The following CCDC127 variants were observed in gnomAD, a reference collection of about 807,000 sequenced individuals.
CCDC127 encodes coiled-coil domain containing 127, also known as coiled-coil domain-containing protein 127.
CCDC127 carries 2 observed loss-of-function variants against 4.1 expected under a neutral mutation model. The ratio of observed to expected loss-of-function variants is 0.49; its 90% CI spans 0.20 to 1.53. The LOEUF (loss-of-function observed/expected upper bound fraction) is 1.53. Ranked by LOEUF, CCDC127 falls within the 40% of genes most tolerant of loss-of-function variation. The pLI, the probability that CCDC127 is intolerant of heterozygous loss-of-function variation, is 0.23. For synonymous variants in CCDC127, 98 were observed against 120.4 expected (o/e 0.81, Z 1.22); for missense variants, 271 against 322.9 (o/e 0.84, Z 1.23).
chr5:206,107 T>C, intron 2 of CCDC127, 149 bp from the exon 3 acceptor site: 1 of 743,636 alleles, frequency 1.3e-6, no homozygotes, highest in Non-Finnish European at 2.1e-6. Flanking sequence ...TACGTGAAAA[T>C]GTGTAACAGG....
rs1197177666 is a variant in CCDC127 at position 197,972 on chromosome 5, A to C, written c.*7325T>G. 1 of 32,378 alleles carries C rather than the reference A, an allele frequency of 3.1e-5. No individual in the cohort carries two copies. The highest frequency in any genetic ancestry group is 6.3e-5 in the Non-Finnish European group (1 of 15,916). The allele number at this position is 32,378 out of a possible 1,614,324, so 2.0% of individuals were successfully genotyped here. A position where few individuals can be genotyped will look rare whatever the true frequency, so the allele number is the denominator to read the frequency against. On this transcript the variant is annotated 3_prime_UTR_variant, in exon 3 of 3. Transcript: ENST00000296824. Reference sequence around the variant, plus strand: ...ACCCCAATGGTCCCCGTGTCACCCCACCCCAGCTGCCCCCAGGTCACCCCC... The same window carrying C: ...ACCCCAATGGTCCCCGTGTCACCCCCCCCCAGCTGCCCCCAGGTCACCCCC...
In CCDC127 at chr5:203,871, GCTGTGTC is replaced by G. The variant is rs959042671; in HGVS notation, c.*1419_*1425del. 4 of 152,240 alleles carry G rather than the reference GCTGTGTC, an allele frequency of 2.6e-5. No individual in the cohort carries two copies. The highest frequency in any genetic ancestry group is 9.7e-5 in the African/African-American group (4 of 41,446). 9.4% of individuals were successfully genotyped at this position (152,240 alleles called of 1,614,324 possible). ...GACGAATTCACACAGCAGGCCCAAGGCTGTGTCCTACCAGGGCCTGTGTGCAAGGCTG... is the reference window on the plus strand; with the variant it reads ...GACGAATTCACACAGCAGGCCCAAGGCTACCAGGGCCTGTGTGCAAGGCTG... On this transcript the variant is annotated 3_prime_UTR_variant, in exon 3 of 3. Coordinates refer to ENST00000296824, the MANE Select transcript of CCDC127 (RefSeq NM_145265.3).
chr5:199,687 C>T lies in CCDC127; in HGVS notation c.*5610G>A, dbSNP rs1040044866. On this transcript the variant is annotated 3_prime_UTR_variant, in exon 3 of 3. Coordinates refer to ENST00000296824, the MANE Select transcript of CCDC127 (RefSeq NM_145265.3). ...CAAGAGCAGGGCCCCAGCACCCCTA[C>T]CTCCCGAGGAGGCCCCAGCACCCCA... The T allele has an allele frequency of 6.6e-6, 1 of 152,324 alleles. No homozygotes were observed. Among genetic ancestry groups the T allele is most frequent in the Non-Finnish European group, 1.5e-5 (1 of 68,188 alleles). The allele number at this position is 152,324 out of a possible 1,614,324, so 9.4% of individuals were successfully genotyped here.
At position 205,748 on chromosome 5, in the gene CCDC127, C is replaced by A; in HGVS notation, c.332G>T (p.Arg111Leu). The stretch of plus-strand genomic sequence containing the variant: ...AAGCTTCTTTTCTTCTACCAACTTG[C>A]GTCCCTGAGAGATAAGGGCTTCTCG... ...SYREALISQG[R>L]KLVEEKKLLE... Residue 111 changes from arginine to leucine, a missense_variant, in exon 3 of 3, where the codon CGC becomes CTC. Coordinates refer to ENST00000296824, the MANE Select transcript of CCDC127 (RefSeq NM_145265.3). 3 of 1,614,152 alleles carry A rather than the reference C, an allele frequency of 1.9e-6. No homozygotes were observed. Among genetic ancestry groups the A allele is most frequent in the Non-Finnish European group, 2.5e-6 (3 of 1,180,022 alleles).
rs1398818602 is a variant in CCDC127, at chr5:203,563, G to A, written c.*1734C>T. ...GCTCAGGGTGGAACATGCACTCCAT[G>A]AATAGTGGCTCTCATACTGCCACGT... is the stretch of plus-strand genomic sequence containing the variant. On this transcript the variant is annotated 3_prime_UTR_variant, in exon 3 of 3. Transcript: ENST00000296824. 2 of 152,296 alleles carry A rather than the reference G, an allele frequency of 1.3e-5. No individual in the cohort carries two copies. The highest frequency in any genetic ancestry group is 2.9e-5 in the Non-Finnish European group (2 of 68,074). 9.4% of individuals were successfully genotyped at this position (152,296 alleles called of 1,614,324 possible). A position where few individuals can be genotyped will look rare whatever the true frequency, so the allele number is the denominator to read the frequency against.
intron 1 of CCDC127, 166 bp from the exon 2 acceptor site, chr5:217,025 G>C: frequency 1.8e-6 from 1 of 548,994 alleles, no homozygotes; most frequent in Non-Finnish European, 3.1e-6. Context: ...CAGCTACTCG[G>C]GAGGCTGAGG....
At position 199,364 on chromosome 5, in the gene CCDC127, TG is replaced by T; in HGVS notation, c.*5932del. The T allele has an allele frequency of 6.3e-6, 1 of 158,504 alleles. No homozygotes were observed. The highest frequency in any genetic ancestry group is 1.7e-4 in the South Asian group (1 of 5,856). The allele number at this position is 158,504 out of a possible 1,614,324, so 9.8% of individuals were successfully genotyped here. Reference sequence around the variant, plus strand: ...ACGTGGCCCCTCTGTGTGGTGGACGTGGCCAAGGGCCCTGGAACATCAGGGT... The same window carrying T: ...ACGTGGCCCCTCTGTGTGGTGGACGTGCCAAGGGCCCTGGAACATCAGGGT... On this transcript the variant is annotated 3_prime_UTR_variant, in exon 3 of 3. Transcript: ENST00000296824.
rs920872241 is a variant in CCDC127, at chr5:208,432, T to C, written c.122-2474A>G. 2.6e-5 allele frequency among the ~76,000 whole-genome samples: 4 copies of C among 152,242 alleles called. No homozygotes were observed. In the East Asian group the frequency reaches 7.7e-4, roughly 29 times the overall value. ...TGCCCAAAGGACCACGATAGAGGCCTGGCAAGAGAGAAAATGTTCCGACAG... is the reference window on the plus strand; with the variant it reads ...TGCCCAAAGGACCACGATAGAGGCCCGGCAAGAGAGAAAATGTTCCGACAG... On this transcript the variant is annotated intron_variant, in intron 2 of 2. Coordinates refer to ENST00000296824, the MANE Select transcript of CCDC127 (RefSeq NM_145265.3).
chr5:206,778 A>G (rs148115533), intron 2 of CCDC127, among the ~76,000 whole-genome samples: 6 of 152,358 alleles, frequency 3.9e-5, no homozygotes, highest in Admixed American at 6.5e-5. Context: ...GCTAAGTCTT[A>G]GTTTTCCAAA....
At chr5:210,178 T>C (rs1734253190) in intron 2 of CCDC127, among the ~76,000 whole-genome samples, 1 of 152,242 alleles carries the variant, frequency 6.6e-6, no homozygotes, top group African/African-American at 2.4e-5. Context: ...AGGGCTTAAA[T>C]GTAAAATGTA....
chr5:213,413 A>T (rs1434573477), intron 2 of CCDC127, among the ~76,000 whole-genome samples: 1 of 99,038 alleles, frequency 1.0e-5, no homozygotes, highest in East Asian at 2.5e-4. Flanking sequence ...GATGGGGCAG[A>T]CTGGACAGCA....
chr5:210,640 A>T (rs1250123165), intron 2 of CCDC127, among the ~76,000 whole-genome samples: 1 of 151,116 alleles, frequency 6.6e-6, no homozygotes, highest in Non-Finnish European at 1.5e-5. Context: ...GATGGGGCAG[A>T]CGGGACAGCA....
rs1438150520 is a variant in CCDC127 at position 201,480 on chromosome 5, G to A, written c.*3817C>T. The A allele has an allele frequency of 6.6e-6, 1 of 152,162 alleles. No homozygotes were observed. Among genetic ancestry groups the A allele is most frequent in the Non-Finnish European group, 1.5e-5 (1 of 68,034 alleles). 9.4% of individuals were successfully genotyped at this position (152,162 alleles called of 1,614,324 possible). A position where few individuals can be genotyped will look rare whatever the true frequency, so the allele number is the denominator to read the frequency against. On this transcript the variant is annotated 3_prime_UTR_variant, in exon 3 of 3. Transcript: ENST00000296824. The stretch of plus-strand genomic sequence containing the variant: ...TCCGTTGAAACACCCCATAATTGGT[G>A]CAAGGTTTGCAGAACAATTTTGTCC...
At position 205,220 on chromosome 5, in the gene CCDC127, G is replaced by A. The variant is rs972333178; in HGVS notation, c.*77C>T. ...GCCATGACACGGGCAGCACGGGAAC[G>A]GAAGACGCCGGAGACCCAGAAGGCG... On this transcript the variant is annotated 3_prime_UTR_variant, in exon 3 of 3. Coordinates refer to ENST00000296824, the MANE Select transcript of CCDC127 (RefSeq NM_145265.3). The A allele has an allele frequency of 2.8e-5, 38 of 1,361,472 alleles. No individual in the cohort carries two copies. The South Asian group carries it at 3.6e-4, about 13-fold the overall frequency. 84.3% of individuals were successfully genotyped at this position (1,361,472 alleles called of 1,614,324 possible).
At chr5:210,583 A>T (rs1734264854) in intron 2 of CCDC127, among the ~76,000 whole-genome samples, 1 of 152,248 alleles carries the variant, frequency 6.6e-6, no homozygotes, top group Non-Finnish European at 1.5e-5. Context: ...AAGATGCTCA[A>T]CACTGCACAG....
At chr5:206,037 A>T in intron 2 of CCDC127, 79 bp from the exon 3 acceptor site, 1 of 1,279,650 alleles carries the variant, frequency 7.8e-7, no homozygotes, top group Non-Finnish European at 1.1e-6. Flanking sequence ...ATCATAAGGC[A>T]GCTAAGGATA....
rs1420895704 is a variant in CCDC127, at chr5:196,895, G to A, written c.*8402C>T. On this transcript the variant is annotated 3_prime_UTR_variant, in exon 3 of 3. Transcript: ENST00000296824. ...TAGAGAAACAACAGTGGGCCCAGGG[G>A]ACCGGCGCTCAGCATACCAAGGACC... is the stretch of plus-strand genomic sequence containing the variant. The A allele has an allele frequency of 4.0e-5, 6 of 150,562 alleles. No homozygotes were observed. Among genetic ancestry groups the A allele is most frequent in the African/African-American group, 1.5e-4 (6 of 40,828 alleles). The allele number at this position is 150,562 out of a possible 1,614,324, so 9.3% of individuals were successfully genotyped here. A position where few individuals can be genotyped will look rare whatever the true frequency, so the allele number is the denominator to read the frequency against.
rs1256415307 is a variant in CCDC127 at position 218,086 on chromosome 5, G to A, written c.-11+7C>T. 3 of 1,185,318 alleles carry A rather than the reference G, an allele frequency of 2.5e-6. No individual in the cohort carries two copies. Among genetic ancestry groups the A allele is most frequent in the East Asian group, 3.7e-5 (1 of 27,362 alleles). 73.4% of individuals were successfully genotyped at this position (1,185,318 alleles called of 1,614,324 possible). A position where few individuals can be genotyped will look rare whatever the true frequency, so the allele number is the denominator to read the frequency against. ...CCACCACCTCCCCGGAACAGGGCCC[G>A]CTCTACCTCGGTCGGGGAGCGCGGG... On this transcript the variant is annotated splice_region_variant and intron_variant, in intron 1 of 2. Transcript: ENST00000296824.
At position 202,145 on chromosome 5, in the gene CCDC127, G is replaced by C. The variant is rs1227347633; in HGVS notation, c.*3152C>G. 6.6e-6 allele frequency: 1 copy of C among 152,274 alleles called. No individual in the cohort carries two copies. The highest frequency in any genetic ancestry group is 1.5e-5 in the Non-Finnish European group (1 of 68,058). The allele number at this position is 152,274 out of a possible 1,614,324, so 9.4% of individuals were successfully genotyped here. A position where few individuals can be genotyped will look rare whatever the true frequency, so the allele number is the denominator to read the frequency against. On this transcript the variant is annotated 3_prime_UTR_variant, in exon 3 of 3. Transcript: ENST00000296824. ...GGGCTCACCTTTCGGTACATGTGTG[G>C]AGTTACCAAATGGCACAGCACCGTG... is the stretch of plus-strand genomic sequence containing the variant.
Sources: allele counts gnomAD v4.1 joint callset (sites outside exome capture counted in the v4.1 genomes callset), GRCh38; gene constraint gnomAD v4.1.1; transcripts MANE v1.5; gene names NCBI Gene and HGNC (gene_info 2026-07-23, HGNC 2026-07-21).